Variants in MLLT3 observed in about 807,000 individuals in gnomAD.
MLLT3 encodes the protein protein AF-9.
MLLT3 carries 4 observed loss-of-function variants against 53.2 expected under a neutral mutation model. The observed-to-expected ratio is 0.08, with a 90% CI of 0.04 to 0.17. The LOEUF is 0.17. MLLT3 is among the 10% of genes least tolerant of loss of function. The probability of loss-of-function intolerance (pLI) is 1.00; values close to 1 mark genes in which losing one functional copy is unlikely to be tolerated. For missense variants in MLLT3, 569 were observed against 684.0 expected (o/e 0.83, Z 1.87); for synonymous variants, 283 against 230.6 (o/e 1.23, Z -2.06).
rs1484489759 is a variant in MLLT3, at chr9:20,621,559, C to A, written c.12+686G>T. Among the ~76,000 whole-genome samples, 6 of 151,994 alleles carry A rather than the reference C, an allele frequency of 3.9e-5. No individual in the cohort carries two copies. The East Asian group carries it at 1.2e-3, about 29-fold the overall frequency. On this transcript the variant is annotated intron_variant, in intron 1 of 10. Transcript: ENST00000380338. This position sits in a 1 kb window ranked among gnomAD's most constrained non-coding sequence, Gnocchi z 7.0. ...ATCGGCGAGGCCAGTCGAACCGAGCCCCCGCAACACACTTTCAAGAGCCCA... is the reference window on the plus strand; with the variant it reads ...ATCGGCGAGGCCAGTCGAACCGAGCACCCGCAACACACTTTCAAGAGCCCA...
intron 4 of MLLT3, among the ~76,000 whole-genome samples, chr9:20,434,899 T>C (rs1586946942): frequency 1.3e-5 from 2 of 152,298 alleles, no homozygotes; most frequent in South Asian, 4.1e-4. Flanking sequence ...GGGAAAAACA[T>C]TTCCACATCT....
rs1368424671 is a variant in MLLT3, at chr9:20,448,194, G to A, written c.349C>T (p.Leu117Phe). Reference protein sequence around the residue: ...HLEGHPPVNHLRCEKLTFNNP... With the variant: ...HLEGHPPVNHFRCEKLTFNNP... Reference sequence around the variant, plus strand: ...TTGAAAGTTAGCTTTTCACAGCGGAGGTGATTCACTGGTGGATGGCCTTCA... The same window carrying A: ...TTGAAAGTTAGCTTTTCACAGCGGAAGTGATTCACTGGTGGATGGCCTTCA... The change falls in exon 4 of 11, where the codon CTC becomes TTC. Residue 117 changes from leucine to phenylalanine, a missense_variant. Leu to Phe is a conservative substitution (Grantham distance 22). Coordinates refer to ENST00000380338, the MANE Select transcript of MLLT3 (RefSeq NM_004529.4). The surrounding 1 kb of genome is among the most constrained non-coding windows in gnomAD (Gnocchi z 4.0). The A allele has an allele frequency of 6.2e-7, 1 of 1,613,412 alleles. No homozygotes were observed. Among genetic ancestry groups the A allele is most frequent in the Non-Finnish European group, 8.5e-7 (1 of 1,179,736 alleles).
At chr9:20,539,513 T>A (rs1015847911) in intron 2 of MLLT3, among the ~76,000 whole-genome samples, 1 of 152,150 alleles carries the variant, frequency 6.6e-6, no homozygotes, top group Non-Finnish European at 1.5e-5. Context: ...GCACACCTTA[T>A]AGGACAGCAG....
intron 10 of MLLT3, among the ~76,000 whole-genome samples, chr9:20,348,739 T>C (rs12682858): frequency 0.018 from 2,692 of 152,282 alleles, 161 homozygotes; most frequent in East Asian, 0.16. Flanking sequence ...TCCAACAAGA[T>C]CTTATTAACA....
intron 4 of MLLT3, among the ~76,000 whole-genome samples, chr9:20,416,601 C>T (rs1822878395): frequency 6.6e-6 from 1 of 151,982 alleles, no homozygotes; most frequent in Non-Finnish European, 1.5e-5. Context: ...ATGCTAGGTA[C>T]AAAACTCTAG....
intron 5 of MLLT3, among the ~76,000 whole-genome samples, chr9:20,402,660 A>AT (rs539531705): frequency 2.6e-5 from 4 of 151,922 alleles, no homozygotes; most frequent in African/African-American, 7.3e-5. Context: ...TTGCCTAGTG[A>AT]TTTTTTTCCC....
Position 20,461,652 on chromosome 9 carries a change from A to G in MLLT3, c.194-4866T>C, listed in dbSNP as rs1824110251. Among the ~76,000 whole-genome samples, 3 of 152,158 alleles carry G rather than the reference A, an allele frequency of 2.0e-5. No homozygotes were observed. The South Asian group carries it at 6.2e-4, about 31-fold the overall frequency. Reference sequence around the variant, plus strand: ...TAGCACCAAAAGAAAAAACGCTGCCAACTCCATAAGACCTTCATTTAAACT... The same window carrying G: ...TAGCACCAAAAGAAAAAACGCTGCCGACTCCATAAGACCTTCATTTAAACT... On this transcript the variant is annotated intron_variant, in intron 2 of 10. Transcript: ENST00000380338.
chr9:20,406,066 T>G (rs978266322), intron 5 of MLLT3, among the ~76,000 whole-genome samples: 2 of 151,674 alleles, frequency 1.3e-5, no homozygotes, highest in Admixed American at 1.3e-4. Flanking sequence ...GAGCCGAGAT[T>G]GCACCACTAC....
intron 2 of MLLT3, among the ~76,000 whole-genome samples, chr9:20,590,962 C>G (rs1276908859): frequency 6.6e-6 from 1 of 151,664 alleles, no homozygotes; most frequent in Non-Finnish European, 1.5e-5. Context: ...ATTGCCTAGT[C>G]TGGTCTTGAA....
intron 10 of MLLT3, among the ~76,000 whole-genome samples, chr9:20,350,457 T>C (rs932344207): frequency 2.7e-5 from 4 of 150,938 alleles, no homozygotes; most frequent in Admixed American, 6.6e-5. Flanking sequence ...TAGCCGGGCG[T>C]GGTGGCGGGC....
At chr9:20,383,159 T>C (rs957130796) in intron 5 of MLLT3, among the ~76,000 whole-genome samples, 8 of 151,908 alleles carry the variant, frequency 5.3e-5, no homozygotes, top group Admixed American at 3.3e-4. Flanking sequence ...ACAACACTAT[T>C]GTGTTGTATA....
At chr9:20,378,238 G>C (rs1425058210) in intron 5 of MLLT3, among the ~76,000 whole-genome samples, 2 of 151,912 alleles carry the variant, frequency 1.3e-5, no homozygotes, top group Admixed American at 6.6e-5. Context: ...CATACATTGG[G>C]GATACAGGTT....
chr9:20,347,261 T>C (rs1820900826), intron 10 of MLLT3, among the ~76,000 whole-genome samples: 1 of 152,166 alleles, frequency 6.6e-6, no homozygotes, highest in Non-Finnish European at 1.5e-5. Context: ...GAATGCTTTG[T>C]TATACTTTAA....
At chr9:20,575,515 C>T (rs933479421) in intron 2 of MLLT3, among the ~76,000 whole-genome samples, 8 of 152,032 alleles carry the variant, frequency 5.3e-5, no homozygotes, top group African/African-American at 1.4e-4. Context: ...TCTTAAATAA[C>T]AAAACTTGAA....
At chr9:20,405,765 C>A (rs144169454) in intron 5 of MLLT3, among the ~76,000 whole-genome samples, 316 of 152,230 alleles carry the variant, frequency 2.1e-3, no homozygotes, top group Non-Finnish European at 3.5e-3. Context: ...AAACTATTTA[C>A]ACAATTTGTC....
intron 5 of MLLT3, among the ~76,000 whole-genome samples, chr9:20,404,953 T>G (rs150541156): frequency 1.7e-3 from 255 of 152,252 alleles, no homozygotes; most frequent in African/African-American, 5.7e-3. Context: ...AGATCCTCCA[T>G]GAGCGCAACC....
rs569228919 is a variant in MLLT3 at position 20,459,424 on chromosome 9, C to T, written c.194-2638G>A. 3.3e-5 allele frequency among the ~76,000 whole-genome samples: 5 copies of T among 152,306 alleles called. No homozygotes were observed. In the South Asian group the frequency reaches 1.0e-3, roughly 32 times the overall value. ...ACAAGTGAGAGAGTCTCACTAAACG[C>T]ATTGAGCAGCCCCCACCCCACCTTA... is the stretch of plus-strand genomic sequence containing the variant. On this transcript the variant is annotated intron_variant, in intron 2 of 10. Transcript: ENST00000380338.
At chr9:20,366,292 G>A (rs527779282) in intron 5 of MLLT3, among the ~76,000 whole-genome samples, 20 of 152,240 alleles carry the variant, frequency 1.3e-4, no homozygotes, top group African/African-American at 3.1e-4. Context: ...GAGAACATGC[G>A]GTGTTTGGTT....
chr9:20,468,652 C>G (rs1476465623), intron 2 of MLLT3, among the ~76,000 whole-genome samples: 1 of 152,210 alleles, frequency 6.6e-6, no homozygotes, highest in African/African-American at 2.4e-5. Flanking sequence ...CCATTTCTAT[C>G]ACAAACTAGC....
Sources: gnomAD v4.1 joint callset for allele counts (sites outside exome capture counted in the v4.1 genomes callset) on GRCh38, gnomAD v4.1.1 for gene constraint, Gnocchi (gnomAD v3.1) non-coding constraint, MANE v1.5 for transcripts, NCBI Gene and HGNC (gene_info 2026-07-23, HGNC 2026-07-21) for gene names.